The following TSPAN12 variants were observed in gnomAD, a reference collection of about 807,000 sequenced individuals.
TSPAN12 encodes tetraspanin-12.
Under a neutral mutation model 39.2 loss-of-function variants are expected in TSPAN12, and 19 were observed. The observed-to-expected ratio is 0.49, with a 90% CI of 0.34 to 0.71. TSPAN12 has a LOEUF of 0.71. Among genes scored for constraint, TSPAN12 ranks in the 30% least tolerant of loss-of-function variants. TSPAN12 has a pLI of 0.01. For synonymous variants in TSPAN12, 119 were observed against 124.8 expected (o/e 0.95, Z 0.31); for missense variants, 314 against 359.9 (o/e 0.87, Z 1.03).
intron 4 of TSPAN12, among the ~76,000 whole-genome samples, chr7:120,835,087 T>G (rs999120103): frequency 6.6e-6 from 1 of 152,202 alleles, no homozygotes; most frequent in Admixed American, 6.5e-5. Flanking sequence ...AAACACTTAT[T>G]AAAGCAATGA....
chr7:120,856,663 C>A, intron 2 of TSPAN12, 35 bp downstream of exon 2: 1 of 1,611,744 alleles, frequency 6.2e-7, no homozygotes, highest in South Asian at 1.1e-5. Context: ...CAGAGCCAGC[C>A]GTTCCCACCT....
intron 2 of TSPAN12, among the ~76,000 whole-genome samples, chr7:120,841,274 C>T (rs1443028528): frequency 6.6e-6 from 1 of 152,080 alleles, no homozygotes; most frequent in Non-Finnish European, 1.5e-5. Context: ...CAAATCAATC[C>T]TCCTGCACTA....
rs1562933717 is a variant in TSPAN12, at chr7:120,787,374, G to GAAATAAACA, written c.*1209_*1217dup. 2 of 152,320 alleles carry GAAATAAACA rather than the reference G, an allele frequency of 1.3e-5. No individual in the cohort carries two copies. Among genetic ancestry groups the GAAATAAACA allele is most frequent in the Non-Finnish European group, 2.9e-5 (2 of 67,938 alleles). 9.4% of individuals were successfully genotyped at this position (152,320 alleles called of 1,614,324 possible). A position where few individuals can be genotyped will look rare whatever the true frequency, so the allele number is the denominator to read the frequency against. On this transcript the variant is annotated 3_prime_UTR_variant, in exon 8 of 8. Coordinates refer to ENST00000222747, the MANE Select transcript of TSPAN12 (RefSeq NM_012338.4). The stretch of plus-strand genomic sequence containing the variant: ...TTTTAATTTTCTTTCCATATTCTGA[G>GAAATAAACA]AAATAAACAAAATACACAAAATACA...
intron 4 of TSPAN12, among the ~76,000 whole-genome samples, chr7:120,821,506 A>G (rs996521333): frequency 6.6e-6 from 1 of 152,004 alleles, no homozygotes; most frequent in Admixed American, 6.6e-5. Flanking sequence ...GATTTTGGCT[A>G]CTTGACATAT....
rs536122868 is a variant in TSPAN12, at chr7:120,799,739, TTA to T, written c.612+6808_612+6809del. ...TAAATATTTATTATATTTCATTTATTTATATATATAATTTAATTTATACATAT... is the reference window on the plus strand; with the variant it reads ...TAAATATTTATTATATTTCATTTATTTATATATAATTTAATTTATACATAT... On this transcript the variant is annotated intron_variant, in intron 7 of 7. Transcript: ENST00000222747. 4.6e-3 allele frequency among the ~76,000 whole-genome samples: 596 copies of T among 130,196 alleles called. 3 individuals are homozygous for T. The highest frequency in any genetic ancestry group is 0.016 in the African/African-American group (556 of 34,134). 85.4% of individuals were successfully genotyped at this position (130,196 alleles called of 152,430 possible). A position where few individuals can be genotyped will look rare whatever the true frequency, so the allele number is the denominator to read the frequency against.
intron 7 of TSPAN12, among the ~76,000 whole-genome samples, chr7:120,799,269 T>A (rs2116318194): frequency 6.6e-6 from 1 of 151,598 alleles, no homozygotes; most frequent in Non-Finnish European, 1.5e-5. Flanking sequence ...GTTGACCTTA[T>A]AACTAGGTGG....
intron 2 of TSPAN12, among the ~76,000 whole-genome samples, chr7:120,851,206 A>AGATT (rs768870443): frequency 1.8e-4 from 27 of 152,320 alleles, no homozygotes; most frequent in African/African-American, 6.0e-4. Context: ...CTAACTCTTC[A>AGATT]GATTCTGTGT....
intron 6 of TSPAN12, among the ~76,000 whole-genome samples, chr7:120,807,067 T>C (rs1793889162): frequency 6.6e-6 from 1 of 152,114 alleles, no homozygotes. Flanking sequence ...GGCCAGTTAA[T>C]CAAATTTTTC....
At position 120,788,909 on chromosome 7, in the gene TSPAN12, A is replaced by G; in HGVS notation, c.613-12T>C. The G allele has an allele frequency of 6.2e-7, 1 of 1,613,742 alleles. No individual in the cohort carries two copies. The highest frequency in any genetic ancestry group is 1.3e-5 in the African/African-American group (1 of 75,062). ...TTCTTCCCACAACCCTGTAAAAGAA[A>G]TACATGGTCAACATTACTTTAGATA... On this transcript the variant is annotated splice_polypyrimidine_tract_variant and intron_variant, in intron 7 of 7. Coordinates refer to ENST00000222747, the MANE Select transcript of TSPAN12 (RefSeq NM_012338.4).
At chr7:120,808,888 T>C (rs970373989) in intron 6 of TSPAN12, among the ~76,000 whole-genome samples, 1 of 151,840 alleles carries the variant, frequency 6.6e-6, no homozygotes, top group Non-Finnish European at 1.5e-5. Flanking sequence ...ATAGAGTTTA[T>C]AGAGATTGTT....
At chr7:120,847,270 C>T (rs1794688519) in intron 2 of TSPAN12, among the ~76,000 whole-genome samples, 2 of 151,108 alleles carry the variant, frequency 1.3e-5, no homozygotes, top group African/African-American at 2.4e-5. Context: ...GTGAGACTCT[C>T]ATATACATAA....
Position 120,856,695 on chromosome 7 carries a change from T to A in TSPAN12, c.66+3A>T, listed in dbSNP as rs1794876731. 6.2e-7 allele frequency: 1 copy of A among 1,614,070 alleles called. No homozygotes were observed. Among genetic ancestry groups the A allele is most frequent in the Non-Finnish European group, 8.5e-7 (1 of 1,180,032 alleles). ...ACCTGTTGGTGCAGTGAAACTTACT[T>A]ACCCAAAAGAGCAGATTGAGGGCGT... On this transcript the variant is annotated splice_donor_region_variant and intron_variant, in intron 2 of 7. Coordinates refer to ENST00000222747, the MANE Select transcript of TSPAN12 (RefSeq NM_012338.4).
chr7:120,837,246 T>A (rs2116461256), intron 4 of TSPAN12, among the ~76,000 whole-genome samples: 1 of 152,264 alleles, frequency 6.6e-6, no homozygotes, highest in South Asian at 2.1e-4. Context: ...TATATACCTA[T>A]ATGAAGAGAA....
chr7:120,818,572 C>T (rs1794129017), intron 4 of TSPAN12, among the ~76,000 whole-genome samples: 1 of 152,020 alleles, frequency 6.6e-6, no homozygotes, highest in Non-Finnish European at 1.5e-5. Flanking sequence ...AACATACCTC[C>T]TATGATTTAA....
Position 120,788,914 on chromosome 7 carries a change from T to G in TSPAN12, c.613-17A>C. 6.2e-7 allele frequency: 1 copy of G among 1,613,274 alleles called. No homozygotes were observed. Among genetic ancestry groups the G allele is most frequent in the Non-Finnish European group, 8.5e-7 (1 of 1,179,588 alleles). ...CCCACAACCCTGTAAAAGAAATACA[T>G]GGTCAACATTACTTTAGATATGTTA... On this transcript the variant is annotated splice_polypyrimidine_tract_variant and intron_variant, in intron 7 of 7. Coordinates refer to ENST00000222747, the MANE Select transcript of TSPAN12 (RefSeq NM_012338.4).
chr7:120,817,720 A>G (rs984482211), intron 4 of TSPAN12, among the ~76,000 whole-genome samples: 2 of 152,138 alleles, frequency 1.3e-5, no homozygotes, highest in African/African-American at 4.8e-5. Context: ...AGAAAGAACG[A>G]GCTCTCTGAA....
chr7:120,788,340 AAGTCATACAC>A lies in TSPAN12; in HGVS notation c.*242_*251del. 2.0e-6 allele frequency: 1 copy of A among 508,442 alleles called. No individual in the cohort carries two copies. Among genetic ancestry groups the A allele is most frequent in the Admixed American group, 3.3e-5 (1 of 30,528 alleles). The allele number at this position is 508,442 out of a possible 1,614,324, so 31.5% of individuals were successfully genotyped here. On this transcript the variant is annotated 3_prime_UTR_variant, in exon 8 of 8. Transcript: ENST00000222747. ...CTCAAAACATAACTGTGTTCAGTAAAAGTCATACACAGGCTACACAGTGGGTATGACATCT... is the reference window on the plus strand; with the variant it reads ...CTCAAAACATAACTGTGTTCAGTAAAAGGCTACACAGTGGGTATGACATCT...
intron 2 of TSPAN12, among the ~76,000 whole-genome samples, chr7:120,850,713 A>AC (rs1491326787): frequency 6.6e-6 from 1 of 150,580 alleles, no homozygotes; most frequent in Non-Finnish European, 1.5e-5. Context: ...TTTTTGAAAT[A>AC]GAGTCTCACT....
intron 2 of TSPAN12, among the ~76,000 whole-genome samples, chr7:120,852,382 AG>A (rs889102528): frequency 6.6e-6 from 1 of 152,178 alleles, no homozygotes; most frequent in African/African-American, 2.4e-5. Flanking sequence ...CCCTCTCCAT[AG>A]TCAGAATGTA....
Sources: allele counts gnomAD v4.1 joint callset (sites outside exome capture counted in the v4.1 genomes callset), GRCh38; gene constraint gnomAD v4.1.1; transcripts MANE v1.5; gene names NCBI Gene and HGNC (gene_info 2026-07-23, HGNC 2026-07-21).